The following SLC12A7 variants were observed in gnomAD, a reference collection of about 807,000 sequenced individuals.
SLC12A7 encodes K-Cl cotransporter 4.
SLC12A7 carries 100 observed loss-of-function variants against 120.6 expected under a neutral mutation model. The ratio of observed to expected loss-of-function variants is 0.83; its 90% CI spans 0.71 to 0.98. The LOEUF (loss-of-function observed/expected upper bound fraction) is 0.98. Among genes scored for constraint, SLC12A7 ranks in the 50% least tolerant of loss-of-function variants. The pLI is 0.00. For synonymous variants in SLC12A7, 760 were observed against 678.0 expected, an observed-to-expected ratio of 1.12 and a Z score of -1.88; for missense variants, 1,373 against 1,548.1, an observed-to-expected ratio of 0.89 and a Z score of 1.90.
At chr5:1,053,553 G>A (rs1307684319) in intron 22 of SLC12A7, 71 bp from the exon 23 acceptor site, 9 of 1,556,828 alleles carry the variant, frequency 5.8e-6, no homozygotes, top group Non-Finnish European at 7.0e-6. Context: ...GCTGAGCTGA[G>A]CCCTGATGAG....
the SLC12A7 span, among the ~76,000 whole-genome samples, chr5:1,141,891 C>T: frequency 6.6e-6 from 1 of 152,208 alleles, no homozygotes; most frequent in African/African-American, 2.4e-5. Flanking sequence ...TCATTTTGCC[C>T]AAGTCACCAT....
chr5:1,098,062 C>G (rs914910645), intron 1 of SLC12A7, among the ~76,000 whole-genome samples: 1 of 151,848 alleles, frequency 6.6e-6, no homozygotes, highest in African/African-American at 2.4e-5. Flanking sequence ...AATGCCCTCT[C>G]TAACCTTCTG....
intron 9 of SLC12A7, among the ~76,000 whole-genome samples, chr5:1,079,886 G>A (rs1447320847): frequency 1.3e-5 from 2 of 152,190 alleles, no homozygotes; most frequent in Admixed American, 6.5e-5. Context: ...ATCCTAGAAC[G>A]ACTCAGCCCA....
rs1424130179 is a variant in SLC12A7 at position 1,105,569 on chromosome 5, CAGCTCATCGTTCAGG to C, written c.124+6284_124+6298del. Among the ~76,000 whole-genome samples, 12 of 152,386 alleles carry C rather than the reference CAGCTCATCGTTCAGG, an allele frequency of 7.9e-5. No homozygotes were observed. In the East Asian group the frequency reaches 9.6e-4, roughly 12 times the overall value. On this transcript the variant is annotated intron_variant, in intron 1 of 23. Coordinates refer to ENST00000264930, the MANE Select transcript of SLC12A7 (RefSeq NM_006598.3). ...GGCCTGGACAGCATGGCCAGCCAGG[CAGCTCATCGTTCAGG>C]AGCTCATCGTTCAGGCTGCTGCGCT...
intron 15 of SLC12A7, among the ~76,000 whole-genome samples, 194 bp downstream of exon 15, chr5:1,075,177 G>A (rs113942417): frequency 0.026 from 3,920 of 152,276 alleles, 91 homozygotes; most frequent in South Asian, 0.12. Context: ...CAGGCACCTC[G>A]GCCTGGCTGG....
chr5:1,082,816 A>C (rs1398231195), intron 8 of SLC12A7, among the ~76,000 whole-genome samples: 2 of 91,778 alleles, frequency 2.2e-5, no homozygotes, highest in South Asian at 3.7e-4. Flanking sequence ...TGGAAAGTCC[A>C]GGCTTCCCGT....
intron 1 of SLC12A7, among the ~76,000 whole-genome samples, chr5:1,102,749 C>T (rs1440352434): frequency 2.6e-5 from 4 of 152,202 alleles, no homozygotes; most frequent in African/African-American, 9.7e-5. Flanking sequence ...CCCCTGGGTC[C>T]AGCAGGCCAC....
At chr5:1,099,500 G>A (rs1189618017) in intron 1 of SLC12A7, among the ~76,000 whole-genome samples, 2 of 152,026 alleles carry the variant, frequency 1.3e-5, no homozygotes, top group African/African-American at 4.8e-5. Flanking sequence ...CTCCTCCGGG[G>A]GACGGCAGGC....
chr5:1,148,725 T>C, the SLC12A7 span, among the ~76,000 whole-genome samples: 1 of 152,194 alleles, frequency 6.6e-6, no homozygotes, highest in Non-Finnish European at 1.5e-5. Context: ...AGGCTGACGG[T>C]TGACATCGGG....
At chr5:1,061,634 C>G (rs1322013502) in intron 20 of SLC12A7, among the ~76,000 whole-genome samples, 1 of 152,200 alleles carries the variant, frequency 6.6e-6, no homozygotes, top group Non-Finnish European at 1.5e-5. Flanking sequence ...AGCAGCTGTG[C>G]CTGTTAAGCA....
In SLC12A7 at chr5:1,065,226, TGA is replaced by T. The variant is rs796697882; in HGVS notation, c.2437+55_2437+56del. 1.3e-4 allele frequency: 165 copies of T among 1,291,878 alleles called. 2 individuals carry two copies. The African/African-American group carries it at 2.2e-3, about 18-fold the overall frequency. The allele number at this position is 1,291,878 out of a possible 1,614,324, so 80.0% of individuals were successfully genotyped here. ...CACACAGGGGACAGCGAGGGGACAC[TGA>T]GAGGACACAGAGGGGACGGTGAGGG... On this transcript the variant is annotated intron_variant, in intron 18 of 23. Coordinates refer to ENST00000264930, the MANE Select transcript of SLC12A7 (RefSeq NM_006598.3).
At chr5:1,116,535 G>A (rs548491362), upstream of SLC12A7, among the ~76,000 whole-genome samples, 7 of 152,358 alleles carry the variant, frequency 4.6e-5, no homozygotes, top group South Asian at 6.2e-4. Flanking sequence ...AAGCTTGAGC[G>A]ACAAAGCTCT....
At chr5:1,123,351 C>T in the SLC12A7 span, among the ~76,000 whole-genome samples, 1 of 152,106 alleles carries the variant, frequency 6.6e-6, no homozygotes, top group South Asian at 2.1e-4. Context: ...GGGAGGGGGC[C>T]ACTCCTGGGC....
the SLC12A7 span, among the ~76,000 whole-genome samples, chr5:1,146,724 T>A: frequency 2.0e-5 from 3 of 152,204 alleles, no homozygotes; most frequent in Non-Finnish European, 4.4e-5. This position sits in a 1 kb window ranked among gnomAD's most constrained non-coding sequence, Gnocchi z 6.5. Context: ...AGGCTTCACC[T>A]GCATGATGAA....
At chr5:1,091,368 G>A (rs1740476648) in intron 3 of SLC12A7, among the ~76,000 whole-genome samples, 1 of 152,338 alleles carries the variant, frequency 6.6e-6, no homozygotes, top group African/African-American at 2.4e-5. Flanking sequence ...AGGCAGAGGG[G>A]TTGGAGCTGG....
At chr5:1,107,711 C>G (rs1378694965) in intron 1 of SLC12A7, among the ~76,000 whole-genome samples, 1 of 152,218 alleles carries the variant, frequency 6.6e-6, no homozygotes, top group Non-Finnish European at 1.5e-5. Flanking sequence ...AGAAGGGGAT[C>G]TGGTGTCCAA....
At chr5:1,068,938 G>A (rs538240106) in intron 17 of SLC12A7, among the ~76,000 whole-genome samples, 27 of 152,372 alleles carry the variant, frequency 1.8e-4, no homozygotes, top group Admixed American at 1.6e-3. Flanking sequence ...TAGAATCCAC[G>A]CCAGCAGGGC....
chr5:1,134,466 G>C, the SLC12A7 span, among the ~76,000 whole-genome samples: 1 of 145,548 alleles, frequency 6.9e-6, no homozygotes, highest in Non-Finnish European at 1.5e-5. Context: ...GCAAAATTCT[G>C]TTTAAAAAAA....
At chr5:1,118,032 C>T in the SLC12A7 span, among the ~76,000 whole-genome samples, 5 of 152,212 alleles carry the variant, frequency 3.3e-5, no homozygotes, top group African/African-American at 9.6e-5. Context: ...GCTGAGAGCA[C>T]GCCACTGCAC....
Sources: allele counts gnomAD v4.1 joint callset (sites outside exome capture counted in the v4.1 genomes callset), GRCh38; gene constraint gnomAD v4.1.1; non-coding constraint Gnocchi (gnomAD v3.1); transcripts MANE v1.5; gene names NCBI Gene and HGNC (gene_info 2026-07-23, HGNC 2026-07-21).